Variants in LARP1B observed in about 807,000 individuals in gnomAD.
The protein encoded by LARP1B is la-related protein 1B.
Under a neutral mutation model 114.2 loss-of-function variants are expected in LARP1B, and 76 were observed. The observed-to-expected ratio is 0.67, with a 90% CI of 0.55 to 0.81. The LOEUF (loss-of-function observed/expected upper bound fraction) is 0.81, where lower values mean the gene tolerates loss of function less well. LARP1B is among the 30% of genes least tolerant of loss of function. The probability of loss-of-function intolerance (pLI) is 0.00; values close to 1 mark genes in which losing one functional copy is unlikely to be tolerated. For synonymous variants in LARP1B, 345 were observed against 348.0 expected, an observed-to-expected ratio of 0.99 and a Z score of 0.10; for missense variants, 1,014 against 1,075.8, an observed-to-expected ratio of 0.94 and a Z score of 0.80.
intron 11 of LARP1B, among the ~76,000 whole-genome samples, chr4:128,160,301 C>G (rs186098353): frequency 4.6e-5 from 7 of 152,070 alleles, no homozygotes; most frequent in Admixed American, 4.6e-4. Flanking sequence ...ATGAAAGAAA[C>G]CATGTGGTGT....
chr4:128,156,063 C>T (rs1735465817), intron 11 of LARP1B: 96 of 1,591,970 alleles, frequency 6.0e-5, no homozygotes, highest in Non-Finnish European at 7.9e-5. Flanking sequence ...CCACACCCTC[C>T]CTAACTCCTT....
chr4:128,079,019 TG>T (rs1471370879), intron 4 of LARP1B, among the ~76,000 whole-genome samples: 1 of 152,120 alleles, frequency 6.6e-6, no homozygotes, highest in East Asian at 1.9e-4. Context: ...GAACATTTAA[TG>T]GTAAAGTTGT....
chr4:128,127,416 G>A (rs1789996799), intron 11 of LARP1B, among the ~76,000 whole-genome samples: 1 of 152,108 alleles, frequency 6.6e-6, no homozygotes, highest in South Asian at 2.1e-4. Flanking sequence ...TGGACAAAGG[G>A]TACTGATTAA....
chr4:128,108,017 C>A, intron 9 of LARP1B: 1 of 1,522,378 alleles, frequency 6.6e-7, no homozygotes, highest in Non-Finnish European at 8.8e-7. Flanking sequence ...AGACTGTCTT[C>A]TGTTCAAGAA....
At chr4:128,110,415 TAA>T (rs200737994) in intron 9 of LARP1B, among the ~76,000 whole-genome samples, 1 of 147,068 alleles carries the variant, frequency 6.8e-6, no homozygotes, top group African/African-American at 2.5e-5. Context: ...TTTTCATTAT[TAA>T]AAAAAAAAAG....
At position 128,178,490 on chromosome 4, in the gene LARP1B, A is replaced by G. The variant is rs116056522; in HGVS notation, c.1744A>G (p.Met582Val). The G allele has an allele frequency of 0.02, 31,810 of 1,614,006 alleles. 362 individuals carry two copies. The highest frequency in any genetic ancestry group is 0.023 in the Non-Finnish European group (27,452 of 1,179,886). Residue 582 changes from methionine (M) to valine (V), a missense_variant, in exon 14 of 20, where the codon ATG becomes GTG. Transcript: ENST00000326639. Reference protein sequence around the residue: ...FDVSEITSAAMVHSLPTAVPE... With the variant: ...FDVSEITSAAVVHSLPTAVPE... ...TGTTTCAGAAATAACTTCAGCAGCA[A>G]TGGTTCATTCGTTGCCTACAGCAGT...
At chr4:128,104,033 A>C (rs1020395220) in intron 8 of LARP1B, among the ~76,000 whole-genome samples, 2 of 148,270 alleles carry the variant, frequency 1.3e-5, no homozygotes, top group Non-Finnish European at 3.0e-5. Flanking sequence ...TTAGAGATGG[A>C]GTCTCATGAT....
At chr4:128,114,179 C>G (rs1444745599) in intron 9 of LARP1B, among the ~76,000 whole-genome samples, 2 of 152,158 alleles carry the variant, frequency 1.3e-5, no homozygotes, top group East Asian at 3.8e-4. Flanking sequence ...ATAAGATGTG[C>G]ATTTAGCTTA....
intron 15 of LARP1B, among the ~76,000 whole-genome samples, chr4:128,188,531 GTTTC>G (rs1204977330): frequency 6.6e-6 from 1 of 151,902 alleles, no homozygotes; most frequent in African/African-American, 2.4e-5. Flanking sequence ...GATCTTTATT[GTTTC>G]TTTCTACTAA....
chr4:128,175,003 C>CGTTAA (rs1169823747), intron 12 of LARP1B, among the ~76,000 whole-genome samples: 1 of 151,994 alleles, frequency 6.6e-6, no homozygotes, highest in Non-Finnish European at 1.5e-5. Context: ...CTGATAACAC[C>CGTTAA]GTTAAGTTAA....
intron 17 of LARP1B, among the ~76,000 whole-genome samples, chr4:128,204,046 C>T (rs1043356402): frequency 1.3e-5 from 2 of 152,132 alleles, no homozygotes; most frequent in East Asian, 3.8e-4. Flanking sequence ...TTATTAATGT[C>T]ATACTTTTGG....
chr4:128,214,021 C>T (rs986404723), downstream of LARP1B, among the ~76,000 whole-genome samples: 16 of 150,698 alleles, frequency 1.1e-4, no homozygotes, highest in Admixed American at 2.7e-4. Flanking sequence ...GTTCCCTTTC[C>T]GAGTCAAAGA....
At chr4:128,114,004 G>A (rs1784988823) in intron 9 of LARP1B, among the ~76,000 whole-genome samples, 1 of 151,924 alleles carries the variant, frequency 6.6e-6, no homozygotes, top group South Asian at 2.1e-4. Flanking sequence ...CAGGCCAGTC[G>A]ACACTTCACT....
At chr4:128,128,686 A>G (rs946851453) in intron 11 of LARP1B, among the ~76,000 whole-genome samples, 4 of 152,214 alleles carry the variant, frequency 2.6e-5, no homozygotes, top group African/African-American at 9.7e-5. Context: ...AGTTTCTTCT[A>G]GTAAGTGCCT....
In LARP1B at chr4:128,091,140, T is replaced by G. The variant is rs1267977251; in HGVS notation, c.498T>G (p.Pro166=). The G allele has an allele frequency of 1.9e-6, 3 of 1,610,910 alleles. No homozygotes were observed. The highest frequency in any genetic ancestry group is 2.5e-6 in the Non-Finnish European group (3 of 1,179,380). Residue 166 remains proline (P), a synonymous_variant, in exon 6 of 20, where the codon CCT becomes CCG. Transcript: ENST00000326639. ...GAAGAGGACGAGGCAGAGGAAATCCTCGATGTATGACATAATTTTTGTTTC... is the reference window on the plus strand; with the variant it reads ...GAAGAGGACGAGGCAGAGGAAATCCGCGATGTATGACATAATTTTTGTTTC... ...GRGRGRGRGN[P]RLNFDYSYGY...
intron 11 of LARP1B, chr4:128,155,840 T>A: frequency 1.3e-6 from 2 of 1,571,190 alleles, no homozygotes; most frequent in South Asian, 2.2e-5. Flanking sequence ...CAGCGAGAGA[T>A]CGAGGAGCTG....
intron 15 of LARP1B, among the ~76,000 whole-genome samples, chr4:128,184,277 T>TAAGAAATTGCCACAGCC (rs1414934405): frequency 6.6e-6 from 1 of 152,180 alleles, no homozygotes; most frequent in Non-Finnish European, 1.5e-5. Flanking sequence ...TGTCTTATTT[T>TAAGAAATTGCCACAGCC]AAGAAATTGC....
At chr4:128,171,680 G>C (rs1390248508) in intron 12 of LARP1B, among the ~76,000 whole-genome samples, 3 of 152,048 alleles carry the variant, frequency 2.0e-5, no homozygotes, top group Non-Finnish European at 4.4e-5. Context: ...AATTCTTTTA[G>C]AGCAGTTCAG....
chr4:128,114,603 C>T lies in LARP1B; in HGVS notation c.1022C>T (p.Pro341Leu). The T allele has an allele frequency of 6.2e-7, 1 of 1,612,986 alleles. No homozygotes were observed. ...SAPNSPRIGSPLSPKKNSETS... is the reference protein window; with the variant it reads ...SAPNSPRIGSLLSPKKNSETS... ...CCAAATTCTCCAAGAATTGGAAGCC[C>T]ATTGAGCCCAAAGAAAAACAGTGAA... The change falls in exon 10 of 20, where the codon CCA becomes CTA. Residue 341 changes from proline (P) to leucine (L), a missense_variant. Coordinates refer to ENST00000326639, the MANE Select transcript of LARP1B (RefSeq NM_018078.4).
Sources: gnomAD v4.1 joint callset for allele counts (sites outside exome capture counted in the v4.1 genomes callset) on GRCh38, gnomAD v4.1.1 for gene constraint, MANE v1.5 for transcripts, NCBI Gene and HGNC (gene_info 2026-07-23, HGNC 2026-07-21) for gene names.